NCMAP: variants seen among roughly 807,000 people sequenced by gnomAD.
NCMAP encodes non-compact myelin associated protein.
Under a neutral mutation model 7.8 loss-of-function variants are expected in NCMAP, and 8 were observed. That is an observed-to-expected ratio of 1.02 (90% CI 0.60 to 1.84). The LOEUF (loss-of-function observed/expected upper bound fraction) is 1.84. Among genes scored for constraint, NCMAP ranks in the 40% most tolerant of loss-of-function variants. NCMAP has a pLI of 0.00. For missense variants in NCMAP, 112 were observed against 131.4 expected, an observed-to-expected ratio of 0.85 and a Z score of 0.72; for synonymous variants, 41 against 52.9, an observed-to-expected ratio of 0.78 and a Z score of 0.98.
At position 24,606,372 on chromosome 1, in the gene NCMAP, G is replaced by C. The variant is rs894743719; in HGVS notation, c.*625G>C. 6.6e-6 allele frequency: 1 copy of C among 152,446 alleles called. No individual in the cohort carries two copies. The highest frequency in any genetic ancestry group is 1.5e-5 in the Non-Finnish European group (1 of 68,204). The allele number at this position is 152,446 out of a possible 1,614,324, so 9.4% of individuals were successfully genotyped here. On this transcript the variant is annotated 3_prime_UTR_variant, in exon 4 of 4. Coordinates refer to ENST00000374392, the MANE Select transcript of NCMAP (RefSeq NM_001010980.5). ...AAGATTTCTGCTTCATTAGTAAAGA[G>C]TCAGTGATGGAATAGGGTGACTCTG... is the stretch of plus-strand genomic sequence containing the variant.
At chr1:24,575,934 A>G (rs1331264177) in intron 1 of NCMAP, among the ~76,000 whole-genome samples, 1 of 151,456 alleles carries the variant, frequency 6.6e-6, no homozygotes, top group Non-Finnish European at 1.5e-5. Flanking sequence ...AAAAAAAAAA[A>G]AAAAAAATGA....
At chr1:24,583,837 C>T (rs1433001930) in intron 1 of NCMAP, among the ~76,000 whole-genome samples, 3 of 152,026 alleles carry the variant, frequency 2.0e-5, no homozygotes, top group Admixed American at 6.5e-5. Flanking sequence ...TTGCCGAGGA[C>T]GGTTTGGAGT....
intron 1 of NCMAP, among the ~76,000 whole-genome samples, chr1:24,580,682 C>A (rs1276067047): frequency 6.6e-6 from 1 of 152,220 alleles, no homozygotes; most frequent in Non-Finnish European, 1.5e-5. Flanking sequence ...TGGTCTCAAA[C>A]CCCTGACCTC....
At chr1:24,558,851 G>A (rs1022307536) in intron 1 of NCMAP, among the ~76,000 whole-genome samples, 6 of 152,046 alleles carry the variant, frequency 3.9e-5, no homozygotes, top group African/African-American at 1.4e-4. Context: ...TGTAAATGCA[G>A]CAACACTTCC....
chr1:24,571,304 G>A (rs1651383207), intron 1 of NCMAP, among the ~76,000 whole-genome samples: 1 of 149,958 alleles, frequency 6.7e-6, no homozygotes, highest in Non-Finnish European at 1.5e-5. Flanking sequence ...GTGAAACCTC[G>A]TCTCTACTAA....
intron 2 of NCMAP, among the ~76,000 whole-genome samples, chr1:24,599,848 C>T (rs554699342): frequency 1.2e-3 from 150 of 120,908 alleles, no homozygotes; most frequent in African/African-American, 4.4e-3. Context: ...CCTTGGCCTC[C>T]CAAAGTGCTG....
chr1:24,564,479 A>G (rs1455096393), intron 1 of NCMAP, among the ~76,000 whole-genome samples: 3 of 129,604 alleles, frequency 2.3e-5, no homozygotes, highest in Non-Finnish European at 4.7e-5. Context: ...ACGCCACTGC[A>G]CTCCAGCCTG....
At chr1:24,584,070 G>A (rs539681786) in intron 1 of NCMAP, among the ~76,000 whole-genome samples, 439 of 152,216 alleles carry the variant, frequency 2.9e-3, no homozygotes, top group Non-Finnish European at 4.3e-3. Context: ...CTAGAATATC[G>A]AGGTGGCATT....
At chr1:24,569,898 G>T (rs1651339722) in intron 1 of NCMAP, among the ~76,000 whole-genome samples, 1 of 150,438 alleles carries the variant, frequency 6.6e-6, no homozygotes, top group Admixed American at 6.6e-5. Flanking sequence ...TTCCTCAGTT[G>T]GTGACCTTGG....
chr1:24,563,978 C>G (rs1415008844), intron 1 of NCMAP: 1 of 152,050 alleles, frequency 6.6e-6, no homozygotes, highest in Admixed American at 6.5e-5. Context: ...ATAAAGTAAT[C>G]TTACATACAT....
chr1:24,602,154 C>T (rs9724802), intron 3 of NCMAP, among the ~76,000 whole-genome samples: 3,337 of 152,116 alleles, frequency 0.022, 126 homozygotes, highest in African/African-American at 0.075. Flanking sequence ...TAATCTCAAT[C>T]ATACACATAG....
At chr1:24,602,235 C>T (rs1157946703) in intron 3 of NCMAP, among the ~76,000 whole-genome samples, 1 of 152,104 alleles carries the variant, frequency 6.6e-6, no homozygotes, top group African/African-American at 2.4e-5. Flanking sequence ...TACATGATGG[C>T]ATTGTTAGTT....
chr1:24,582,815 G>A (rs377444563), intron 1 of NCMAP, among the ~76,000 whole-genome samples: 1 of 143,116 alleles, frequency 7.0e-6, no homozygotes. Flanking sequence ...GAAACGTATA[G>A]ATCCTAGCTT....
rs1337863129 is a variant in NCMAP, at chr1:24,606,693, T to A, written c.*946T>A. The A allele has an allele frequency of 6.6e-6, 1 of 152,282 alleles. No individual in the cohort carries two copies. Among genetic ancestry groups the A allele is most frequent in the Non-Finnish European group, 1.5e-5 (1 of 68,068 alleles). 9.4% of individuals were successfully genotyped at this position (152,282 alleles called of 1,614,324 possible). A position where few individuals can be genotyped will look rare whatever the true frequency, so the allele number is the denominator to read the frequency against. ...AAGCAACACATTCACAACCCATTTC[T>A]ATTCTATAGCAACCTCGTCTGTGAC... On this transcript the variant is annotated 3_prime_UTR_variant, in exon 4 of 4. Transcript: ENST00000374392.
At chr1:24,572,097 A>G (rs1014822410) in intron 1 of NCMAP, among the ~76,000 whole-genome samples, 1 of 150,640 alleles carries the variant, frequency 6.6e-6, no homozygotes, top group African/African-American at 2.5e-5. Flanking sequence ...TTGGGACTTC[A>G]TTCACCTTAG....
intron 1 of NCMAP, among the ~76,000 whole-genome samples, chr1:24,575,257 G>T (rs905240982): frequency 1.3e-5 from 2 of 152,102 alleles, no homozygotes; most frequent in East Asian, 3.9e-4. Flanking sequence ...GCAGGGGAAA[G>T]AACTTTTAGA....
chr1:24,596,611 G>C (rs1030479213), intron 2 of NCMAP, among the ~76,000 whole-genome samples: 2 of 152,110 alleles, frequency 1.3e-5, no homozygotes, highest in African/African-American at 4.8e-5. Context: ...GCTTGAGCCT[G>C]GGAGGTCGAG....
intron 1 of NCMAP, among the ~76,000 whole-genome samples, chr1:24,583,279 C>T (rs1651791375): frequency 1.3e-5 from 2 of 152,100 alleles, no homozygotes; most frequent in South Asian, 4.1e-4. Flanking sequence ...TGCTGAATAT[C>T]CTATAATGCA....
intron 1 of NCMAP, among the ~76,000 whole-genome samples, chr1:24,594,039 C>T (rs1652136811): frequency 2.2e-5 from 2 of 92,462 alleles, no homozygotes; most frequent in Non-Finnish European, 5.5e-5. Flanking sequence ...TTACAGGCAC[C>T]CACCACCATG....
Sources: allele counts gnomAD v4.1 joint callset (sites outside exome capture counted in the v4.1 genomes callset), GRCh38; gene constraint gnomAD v4.1.1; transcripts MANE v1.5; gene names NCBI Gene and HGNC (gene_info 2026-07-23, HGNC 2026-07-21).